DLC1: variants seen among roughly 807,000 people sequenced by gnomAD.
DLC1 encodes the protein DLC1 Rho GTPase activating protein.
DLC1 carries 54 observed loss-of-function variants against 140.3 expected under a neutral mutation model. The observed-to-expected ratio is 0.38, with a 90% confidence interval of 0.31 to 0.48. The LOEUF is 0.48. Among genes scored for constraint, DLC1 ranks in the 20% least tolerant of loss-of-function variants. The pLI is 0.96. For synonymous variants in DLC1, 986 were observed against 728.1 expected, an observed-to-expected ratio of 1.35 and a Z score of -5.70; for missense variants, 2,536 against 1,907.0, an observed-to-expected ratio of 1.33 and a Z score of -6.14.
At chr8:13,564,438 C>T (rs1366503998) in intron 1 of DLC1, among the ~76,000 whole-genome samples, 1 of 152,148 alleles carries the variant, frequency 6.6e-6, no homozygotes, top group African/African-American at 2.4e-5. Context: ...CCAAGCACAG[C>T]GTTACTTGAG....
At chr8:13,132,894 G>A (rs748444408) in intron 5 of DLC1, 5 of 1,553,010 alleles carry the variant, frequency 3.2e-6, no homozygotes, top group Non-Finnish European at 3.5e-6. Flanking sequence ...GGTCCCCTCC[G>A]CAGCCCGCTC....
At chr8:13,518,048 G>T (rs1361981939), upstream of DLC1, among the ~76,000 whole-genome samples, 1 of 152,122 alleles carries the variant, frequency 6.6e-6, no homozygotes, top group Non-Finnish European at 1.5e-5. Context: ...GTACTCTGTG[G>T]AAAGAAGAAT....
At chr8:13,142,377 A>G (rs189223545) in intron 5 of DLC1, among the ~76,000 whole-genome samples, 1 of 152,190 alleles carries the variant, frequency 6.6e-6, no homozygotes, top group African/African-American at 2.4e-5. Flanking sequence ...ACAAACAGCT[A>G]TTTCTCTACT....
At chr8:13,116,782 GA>G (rs1820592496) in intron 5 of DLC1, among the ~76,000 whole-genome samples, 1 of 151,876 alleles carries the variant, frequency 6.6e-6, no homozygotes, top group Non-Finnish European at 1.5e-5. Flanking sequence ...ACAGGAAAGA[GA>G]AAAAAAATAA....
At chr8:13,406,928 T>C (rs1370785526) in intron 2 of DLC1, among the ~76,000 whole-genome samples, 1 of 152,210 alleles carries the variant, frequency 6.6e-6, no homozygotes, top group Admixed American at 6.5e-5. Context: ...GTGATGTATG[T>C]CTCTTTTTCC....
intron 5 of DLC1, among the ~76,000 whole-genome samples, chr8:13,178,200 C>T (rs1428637743): frequency 6.6e-6 from 1 of 152,100 alleles, no homozygotes; most frequent in Non-Finnish European, 1.5e-5. Flanking sequence ...GTAGAACTCA[C>T]TCCTGACCTG....
intron 5 of DLC1, among the ~76,000 whole-genome samples, chr8:13,221,861 T>C (rs897507450): frequency 4.9e-5 from 7 of 144,008 alleles, no homozygotes; most frequent in Non-Finnish European, 9.1e-5. Context: ...ATTAATATAT[T>C]AATAAAATAT....
chr8:13,132,979 A>T (rs1822247903), intron 5 of DLC1: 2 of 1,611,198 alleles, frequency 1.2e-6, no homozygotes, highest in Non-Finnish European at 1.7e-6. Context: ...CTTTCTGCAC[A>T]TCAAGCACGG....
intron 1 of DLC1, among the ~76,000 whole-genome samples, chr8:13,602,633 G>C (rs945314468): frequency 6.6e-6 from 1 of 151,834 alleles, no homozygotes; most frequent in Non-Finnish European, 1.5e-5. Context: ...GTACCTAGAA[G>C]TTCACTATAC....
chr8:13,245,124 C>T (rs749574892), intron 5 of DLC1, among the ~76,000 whole-genome samples: 2 of 152,062 alleles, frequency 1.3e-5, no homozygotes, highest in Admixed American at 6.6e-5. Flanking sequence ...TTCCCTGGGA[C>T]GTTTGTTTTG....
chr8:13,555,391 G>A (rs1804006969), intron 1 of DLC1, among the ~76,000 whole-genome samples: 1 of 152,110 alleles, frequency 6.6e-6, no homozygotes, highest in South Asian at 2.1e-4. Flanking sequence ...GATAGCCATA[G>A]CAACTTCAGG....
At chr8:13,200,388 T>C (rs1479600241) in intron 5 of DLC1, among the ~76,000 whole-genome samples, 2 of 152,102 alleles carry the variant, frequency 1.3e-5, no homozygotes, top group African/African-American at 4.8e-5. Context: ...TATTCTTATT[T>C]TACAGGTATG....
chr8:13,602,050 C>T (rs910708137), intron 1 of DLC1, among the ~76,000 whole-genome samples: 1 of 151,726 alleles, frequency 6.6e-6, no homozygotes, highest in African/African-American at 2.4e-5. Flanking sequence ...AACACAAGGC[C>T]AGCTATAAAG....
At chr8:13,391,416 TATTTG>T (rs988505568) in intron 4 of DLC1, among the ~76,000 whole-genome samples, 3 of 152,140 alleles carry the variant, frequency 2.0e-5, no homozygotes, top group African/African-American at 7.2e-5. Flanking sequence ...TTTCAGAAAA[TATTTG>T]ATTTGGAGTA....
In DLC1 at chr8:13,084,112, A is replaced by G. The variant is rs550927418; in HGVS notation, c.*1699T>C. On this transcript the variant is annotated 3_prime_UTR_variant, in exon 18 of 18. Transcript: ENST00000276297. ...GAATATCTGAGGTATAAATACAAGT[A>G]TATCTTAAATAATAATCTTTATCAT... The G allele has an allele frequency of 2.6e-5, 4 of 152,742 alleles. No homozygotes were observed. The highest frequency in any genetic ancestry group is 2.1e-4 in the South Asian group (1 of 4,828). The allele number at this position is 152,742 out of a possible 1,614,324, so 9.5% of individuals were successfully genotyped here.
At chr8:13,362,967 T>A (rs1349506451) in intron 4 of DLC1, among the ~76,000 whole-genome samples, 1 of 152,208 alleles carries the variant, frequency 6.6e-6, no homozygotes, top group Non-Finnish European at 1.5e-5. Flanking sequence ...CTCGATTACA[T>A]CTTTCTATTC....
intron 5 of DLC1, among the ~76,000 whole-genome samples, chr8:13,271,594 C>T (rs1325692497): frequency 6.6e-6 from 1 of 152,258 alleles, no homozygotes. Context: ...TGTCTGTTGA[C>T]TCTCACTTGC....
chr8:13,558,793 A>C (rs1804143367), intron 1 of DLC1: 1 of 152,120 alleles, frequency 6.6e-6, no homozygotes, highest in Non-Finnish European at 1.5e-5. Flanking sequence ...TTTCTTCTCA[A>C]TCTCTGTTCT....
intron 5 of DLC1, among the ~76,000 whole-genome samples, chr8:13,142,095 A>T (rs1823041235): frequency 6.6e-6 from 1 of 152,142 alleles, no homozygotes; most frequent in South Asian, 2.1e-4. Context: ...TCATACATAC[A>T]CAGTCGCTCC....
Sources: gnomAD v4.1 joint callset for allele counts (sites outside exome capture counted in the v4.1 genomes callset) on GRCh38, gnomAD v4.1.1 for gene constraint, MANE v1.5 for transcripts, NCBI Gene and HGNC (gene_info 2026-07-23, HGNC 2026-07-21) for gene names.